ATP2C1: variants seen among roughly 807,000 people sequenced by gnomAD.
ATP2C1 encodes calcium-transporting ATPase type 2C member 1.
A neutral mutation model predicts 120.5 loss-of-function variants in ATP2C1; 31 were observed. The ratio of observed to expected loss-of-function variants is 0.26; its 90% CI spans 0.19 to 0.35. The LOEUF (loss-of-function observed/expected upper bound fraction) is 0.35. ATP2C1 is among the 10% of genes least tolerant of loss of function. The probability of loss-of-function intolerance (pLI) is 1.00; values close to 1 mark genes in which losing one functional copy is unlikely to be tolerated. For missense variants in ATP2C1, 731 were observed against 1,107.5 expected (o/e 0.66, Z 4.83); for synonymous variants, 351 against 358.7 (o/e 0.98, Z 0.24).
At chr3:130,987,241 T>C (rs1465557807) in intron 20 of ATP2C1, among the ~76,000 whole-genome samples, 1 of 152,096 alleles carries the variant, frequency 6.6e-6, no homozygotes, top group Non-Finnish European at 1.5e-5. Flanking sequence ...CAAGTGATCC[T>C]CCCACCTCAA....
At chr3:130,857,325 CT>C (rs796500307) in intron 1 of ATP2C1, among the ~76,000 whole-genome samples, 3 of 152,308 alleles carry the variant, frequency 2.0e-5, no homozygotes, top group African/African-American at 7.2e-5. Context: ...GTCTTTCTCT[CT>C]CCCAAATATG....
At chr3:130,964,822 A>G in intron 13 of ATP2C1, 126 bp from the exon 14 acceptor site, 1 of 650,326 alleles carries the variant, frequency 1.5e-6, no homozygotes, top group Non-Finnish European at 2.7e-6. Context: ...TCTAAAATTA[A>G]CAATGAGTTT....
intron 4 of ATP2C1, among the ~76,000 whole-genome samples, chr3:130,933,761 T>C (rs1398841969): frequency 6.6e-6 from 1 of 152,224 alleles, no homozygotes; most frequent in African/African-American, 2.4e-5. Flanking sequence ...ATTGGTATTG[T>C]TAAAAGTTTC....
intron 22 of ATP2C1, among the ~76,000 whole-genome samples, chr3:130,994,585 G>GTAAT (rs2062513673): frequency 6.6e-6 from 1 of 152,104 alleles, no homozygotes; most frequent in African/African-American, 2.4e-5. Flanking sequence ...GTTGATTTAA[G>GTAAT]ACTCCAGTGT....
chr3:130,913,263 TAAAA>T (rs933268865), intron 2 of ATP2C1, among the ~76,000 whole-genome samples: 3 of 146,276 alleles, frequency 2.1e-5, no homozygotes, highest in Non-Finnish European at 3.0e-5. Flanking sequence ...TAAATAAATT[TAAAA>T]AAAAAAAAGA....
rs373066264 is a variant in ATP2C1 at position 130,927,483 on chromosome 3, C to T, written c.7-2933C>T. 4.3e-3 allele frequency among the ~76,000 whole-genome samples: 660 copies of T among 152,162 alleles called. 15 individuals are homozygous for T. The South Asian group carries it at 0.058, about 13-fold the overall frequency. On this transcript the variant is annotated intron_variant, in intron 2 of 27. Coordinates refer to ENST00000510168, the MANE Select transcript of ATP2C1 (RefSeq NM_001378687.1). ...GTCTCGATCTCCTGACCTTGTGAAC[C>T]GCCCGCTTCAGCCTCCCAAAGTGCT... is the stretch of plus-strand genomic sequence containing the variant.
intron 17 of ATP2C1, among the ~76,000 whole-genome samples, chr3:130,972,689 T>C (rs2061379735): frequency 7.1e-6 from 1 of 141,578 alleles, no homozygotes; most frequent in Admixed American, 7.7e-5. Context: ...TGTTCACTTC[T>C]CATCTATGAG....
At chr3:130,959,841 T>C (rs1015599376) in intron 12 of ATP2C1, among the ~76,000 whole-genome samples, 9 of 152,000 alleles carry the variant, frequency 5.9e-5, no homozygotes, top group Non-Finnish European at 1.0e-4. Context: ...AAATTAAAAA[T>C]TCAATTGTAG....
intron 11 of ATP2C1, among the ~76,000 whole-genome samples, chr3:130,956,663 T>G (rs2060595329): frequency 1.3e-5 from 2 of 152,090 alleles, no homozygotes; most frequent in African/African-American, 2.4e-5. Context: ...CCTCTCTTTT[T>G]TAAGGAAAAA....
At chr3:130,940,772 C>A in intron 7 of ATP2C1, 81 bp downstream of exon 7, 2 of 1,076,966 alleles carry the variant, frequency 1.9e-6, no homozygotes, top group Non-Finnish European at 2.9e-6. Context: ...ATATTGTTAT[C>A]CCCACTTTGT....
chr3:130,942,804 A>G (rs2059979667), intron 8 of ATP2C1, among the ~76,000 whole-genome samples: 1 of 152,092 alleles, frequency 6.6e-6, no homozygotes, highest in Non-Finnish European at 1.5e-5. Context: ...TTCAGTTCCT[A>G]ATATTTTGCC....
chr3:130,912,439 G>A (rs1403814365), intron 2 of ATP2C1, among the ~76,000 whole-genome samples: 1 of 151,232 alleles, frequency 6.6e-6, no homozygotes, highest in Non-Finnish European at 1.5e-5. Flanking sequence ...AAAAGTGGGC[G>A]AAAGACATGA....
At chr3:130,928,370 G>A (rs2059307272) in intron 2 of ATP2C1, 1 of 152,108 alleles carries the variant, frequency 6.6e-6, no homozygotes, top group Admixed American at 6.5e-5. Context: ...TCCTACTCTG[G>A]AGATTTACAG....
chr3:130,864,714 G>C (rs2068113407), intron 1 of ATP2C1, among the ~76,000 whole-genome samples: 1 of 152,374 alleles, frequency 6.6e-6, no homozygotes, highest in East Asian at 1.9e-4. Flanking sequence ...GAGGGTGGAA[G>C]CCCGAAGCCT....
At chr3:130,994,175 A>C (rs962086249) in intron 22 of ATP2C1, 77 bp downstream of exon 22, 4 of 1,542,746 alleles carry the variant, frequency 2.6e-6, no homozygotes, top group African/African-American at 2.7e-5. Flanking sequence ...AGAGAATTCA[A>C]CTGGAAAAGA....
chr3:130,940,020 C>T (rs1427796233), intron 6 of ATP2C1, among the ~76,000 whole-genome samples: 1 of 152,216 alleles, frequency 6.6e-6, no homozygotes, highest in Admixed American at 6.5e-5. Context: ...ATGTTTCTGA[C>T]TGACCCTCAG....
chr3:130,887,451 T>A (rs1466944295), intron 1 of ATP2C1, among the ~76,000 whole-genome samples: 1 of 152,084 alleles, frequency 6.6e-6, no homozygotes, highest in African/African-American at 2.4e-5. Flanking sequence ...GGTCCAGAGA[T>A]GGTGTATGGG....
chr3:130,861,380 C>T (rs2068007827), intron 1 of ATP2C1, among the ~76,000 whole-genome samples: 1 of 152,100 alleles, frequency 6.6e-6, no homozygotes, highest in African/African-American at 2.4e-5. Context: ...GCTTGAGAAC[C>T]CAGAAAGACA....
intron 16 of ATP2C1, 111 bp from the exon 17 acceptor site, chr3:130,969,181 A>G: frequency 1.6e-5 from 12 of 735,550 alleles, no homozygotes; most frequent in South Asian, 1.5e-4. Flanking sequence ...TTTCACTATT[A>G]ACTGAAAAAT....
Sources: gnomAD v4.1 joint callset for allele counts (sites outside exome capture counted in the v4.1 genomes callset) on GRCh38, gnomAD v4.1.1 for gene constraint, MANE v1.5 for transcripts, NCBI Gene and HGNC (gene_info 2026-07-23, HGNC 2026-07-21) for gene names.